MYO5B: variants seen among roughly 807,000 people sequenced by gnomAD.
The protein encoded by MYO5B is myosin VB.
Under a neutral mutation model 229.3 loss-of-function variants are expected in MYO5B, and 143 were observed. The observed-to-expected ratio is 0.62, with a 90% CI of 0.54 to 0.72. The LOEUF (loss-of-function observed/expected upper bound fraction) is 0.72, where lower values mean the gene tolerates loss of function less well. MYO5B is among the 30% of genes least tolerant of loss of function. MYO5B has a pLI of 0.00. For synonymous variants in MYO5B, 918 were observed against 885.2 expected (o/e 1.04, Z -0.66); for missense variants, 2,321 against 2,331.0 (o/e 1.00, Z 0.09).
intron 1 of MYO5B, among the ~76,000 whole-genome samples, chr18:50,188,816 A>AAAAAAAAAAC (rs1568138517): frequency 7.1e-6 from 1 of 141,302 alleles, no homozygotes; most frequent in Admixed American, 7.1e-5. Flanking sequence ...AAAAAAAAAA[A>AAAAAAAAAAC]ACACACACAC....
At chr18:50,024,595 T>C (rs1050512321) in intron 4 of MYO5B, among the ~76,000 whole-genome samples, 1 of 152,194 alleles carries the variant, frequency 6.6e-6, no homozygotes, top group Non-Finnish European at 1.5e-5. Context: ...ATCTTTTGGC[T>C]GTAAGTACAC....
rs1368908369 is a variant in MYO5B, at chr18:50,036,834, C to T, written c.455+16G>A. 6.2e-7 allele frequency: 1 copy of T among 1,613,956 alleles called. No individual in the cohort carries two copies. The highest frequency in any genetic ancestry group is 8.5e-7 in the Non-Finnish European group (1 of 1,179,996). ...CTGACTACTCAGGAGGACTTCTGGGCTGAGGACATTCTCACCTGGCCATCT... is the reference window on the plus strand; with the variant it reads ...CTGACTACTCAGGAGGACTTCTGGGTTGAGGACATTCTCACCTGGCCATCT... On this transcript the variant is annotated intron_variant, in intron 4 of 39. Coordinates refer to ENST00000285039, the MANE Select transcript of MYO5B (RefSeq NM_001080467.3).
intron 2 of MYO5B, 33 bp downstream of exon 2, chr18:50,055,235 A>ACCCCCCCCCCCAC: frequency 2.8e-6 from 1 of 353,292 alleles, no homozygotes; most frequent in African/African-American, 3.4e-5. Context: ...GCCCCACCTC[A>ACCCCCCCCCCCAC]CCCCCGCCCC....
In MYO5B at chr18:49,872,338, C is replaced by T. The variant is rs1230658231; in HGVS notation, c.3538-106G>A. The T allele has an allele frequency of 3.0e-6, 3 of 1,013,734 alleles. No individual in the cohort carries two copies. In the African/African-American group the frequency reaches 4.7e-5, roughly 16 times the overall value. The allele number at this position is 1,013,734 out of a possible 1,614,324, so 62.8% of individuals were successfully genotyped here. On this transcript the variant is annotated intron_variant, in intron 26 of 39. Coordinates refer to ENST00000285039, the MANE Select transcript of MYO5B (RefSeq NM_001080467.3). ...TGCTCATCCTGCCTGTGCGTGAATA[C>T]CCAACACCCCCACCCTCCACAAGTC...
At chr18:49,943,690 TA>T (rs2025340900) in intron 14 of MYO5B, among the ~76,000 whole-genome samples, 1 of 152,196 alleles carries the variant, frequency 6.6e-6, no homozygotes, top group African/African-American at 2.4e-5. Flanking sequence ...TAGGAACTGG[TA>T]AAACAAAAGT....
intron 18 of MYO5B, among the ~76,000 whole-genome samples, chr18:49,908,024 A>G (rs960718647): frequency 6.6e-6 from 1 of 152,208 alleles, no homozygotes; most frequent in African/African-American, 2.4e-5. Flanking sequence ...TAGGAAGCCA[A>G]AGCACGGTAG....
intron 1 of MYO5B, among the ~76,000 whole-genome samples, chr18:50,121,887 T>G (rs545596397): frequency 1.3e-5 from 2 of 152,348 alleles, no homozygotes; most frequent in East Asian, 3.9e-4. Context: ...TAACAGCCCT[T>G]TCTCACTGCA....
At chr18:50,049,134 T>C (rs1192965733) in intron 2 of MYO5B, among the ~76,000 whole-genome samples, 1 of 152,150 alleles carries the variant, frequency 6.6e-6, no homozygotes, top group Non-Finnish European at 1.5e-5. Flanking sequence ...TTAGAAAGAC[T>C]TCTACAGATT....
chr18:50,039,556 C>T (rs147000925), intron 3 of MYO5B, among the ~76,000 whole-genome samples: 2,922 of 152,208 alleles, frequency 0.019, 46 homozygotes, highest in Middle Eastern at 0.038. Flanking sequence ...TGGTCTCAAT[C>T]TCCTGACCTC....
At chr18:49,927,554 T>C (rs1003467618) in intron 17 of MYO5B, among the ~76,000 whole-genome samples, 1 of 152,178 alleles carries the variant, frequency 6.6e-6, no homozygotes, top group Non-Finnish European at 1.5e-5. Flanking sequence ...AACGGGTGTA[T>C]AGACCAATGG....
intron 1 of MYO5B, among the ~76,000 whole-genome samples, chr18:50,058,079 A>T (rs545884470): frequency 1.3e-5 from 2 of 152,256 alleles, no homozygotes; most frequent in South Asian, 4.1e-4. Flanking sequence ...CATGAAAGTC[A>T]AATACTGATG....
intron 1 of MYO5B, among the ~76,000 whole-genome samples, chr18:50,069,046 T>A (rs537473738): frequency 6.6e-6 from 1 of 152,274 alleles, no homozygotes; most frequent in African/African-American, 2.4e-5. Flanking sequence ...CTATCATTAT[T>A]TAGCAGGTAA....
intron 19 of MYO5B, among the ~76,000 whole-genome samples, chr18:49,905,488 A>G (rs1368858656): frequency 1.3e-5 from 2 of 152,148 alleles, no homozygotes; most frequent in African/African-American, 2.4e-5. Context: ...CAAGTGCTCA[A>G]TTAGAGACTC....
At position 49,902,771 on chromosome 18, in the gene MYO5B, C is replaced by T. The variant is rs879722289; in HGVS notation, c.2634G>A (p.Arg878=). ...QKHVRGWMAR[R]HFQRLRDAAI... ...CTGCATCCCGCAGCCGCTGGAAGTG[C>T]CTGCGTGCCATCCAGCCCCGCACGT... The change falls in exon 21 of 40, where the codon AGG becomes AGA. Residue 878 remains arginine (R), a synonymous_variant. Transcript: ENST00000285039. The T allele has an allele frequency of 5.6e-6, 9 of 1,605,172 alleles. No individual in the cohort carries two copies. The highest frequency in any genetic ancestry group is 1.3e-5 in the African/African-American group (1 of 74,922).
At chr18:50,118,020 A>G (rs1599033812) in intron 1 of MYO5B, among the ~76,000 whole-genome samples, 1 of 152,182 alleles carries the variant, frequency 6.6e-6, no homozygotes, top group South Asian at 2.1e-4. Context: ...CAAGTGGATG[A>G]CAGCCATACA....
At position 50,149,415 on chromosome 18, in the gene MYO5B, T is replaced by C. The variant is rs549302446; in HGVS notation, c.27+45352A>G. Among the ~76,000 whole-genome samples the C allele has an allele frequency of 9.1e-3, 1,369 of 150,278 alleles. 6 individuals carry two copies. Among genetic ancestry groups the C allele is most frequent in the African/African-American group, 0.031 (1,265 of 40,674 alleles). ...CAAAAGAACAAAGCTGGAGGCATCA[T>C]GCTACCTGACTTCAAACTATACTAC... is the stretch of plus-strand genomic sequence containing the variant. On this transcript the variant is annotated intron_variant, in intron 1 of 39. Coordinates refer to ENST00000285039, the MANE Select transcript of MYO5B (RefSeq NM_001080467.3).
chr18:50,114,157 GAT>G (rs1236355326), intron 1 of MYO5B, among the ~76,000 whole-genome samples: 1 of 152,124 alleles, frequency 6.6e-6, no homozygotes, highest in African/African-American at 2.4e-5. Flanking sequence ...TTATTTTACT[GAT>G]GAGTAAACTG....
intron 7 of MYO5B, among the ~76,000 whole-genome samples, chr18:49,989,515 C>T (rs143297270): frequency 2.2e-4 from 33 of 152,270 alleles, no homozygotes; most frequent in Non-Finnish European, 4.3e-4. Flanking sequence ...GACACCAAGA[C>T]GCTGCTGGGC....
rs767509331 is a variant in MYO5B at position 49,879,198 on chromosome 18, C to G, written c.3131-108G>C. Reference sequence around the variant, plus strand: ...GTTAAGAGGCTGCCCATGACGAGCTCATCAGAGGCTCTTGATGAATCTATT... The same window carrying G: ...GTTAAGAGGCTGCCCATGACGAGCTGATCAGAGGCTCTTGATGAATCTATT... On this transcript the variant is annotated intron_variant, in intron 23 of 39. Transcript: ENST00000285039. 42 of 1,356,224 alleles carry G rather than the reference C, an allele frequency of 3.1e-5. No homozygotes were observed. The South Asian group carries it at 4.8e-4, about 15-fold the overall frequency. The allele number at this position is 1,356,224 out of a possible 1,614,324, so 84.0% of individuals were successfully genotyped here.
Sources: allele counts gnomAD v4.1 joint callset (sites outside exome capture counted in the v4.1 genomes callset), GRCh38; gene constraint gnomAD v4.1.1; transcripts MANE v1.5; gene names NCBI Gene and HGNC (gene_info 2026-07-23, HGNC 2026-07-21).